The following BNIP5 variants were observed in gnomAD, a reference collection of about 807,000 sequenced individuals.
The protein encoded by BNIP5 is BCL2 interacting protein 5.
A neutral mutation model predicts 67.3 loss-of-function variants in BNIP5; 61 were observed. That is an observed-to-expected ratio of 0.91 (90% CI 0.74 to 1.12). The LOEUF (loss-of-function observed/expected upper bound fraction) is 1.12. Among genes scored for constraint, BNIP5 ranks in the 50% most tolerant of loss-of-function variants. The pLI is 0.00. For synonymous variants in BNIP5, 317 were observed against 319.0 expected (o/e 0.99, Z 0.07); for missense variants, 826 against 816.3 (o/e 1.01, Z -0.14).
chr6:36,330,308 C>G lies in BNIP5; in HGVS notation c.383G>C (p.Gly128Ala). The G allele has an allele frequency of 1.2e-6, 2 of 1,614,188 alleles. No individual in the cohort carries two copies. The highest frequency in any genetic ancestry group is 4.5e-5 in the East Asian group (2 of 44,886). The stretch of plus-strand genomic sequence containing the variant: ...CAGGGGCTCCGGATGCTGGGAGATA[C>G]CCTCCTTCCCCCTTGGCCTCCTGCT... The part of the protein sequence containing the change: ...KASRRPRGKE[G>A]ISQHPEPLEA... The change falls in exon 2 of 12, where the codon GGT becomes GCT. Residue 128 changes from glycine to alanine, a missense_variant. Transcript: ENST00000437635.
Position 36,324,142 on chromosome 6 carries a change from T to C in BNIP5, c.1217A>G (p.Gln406Arg). The change falls in exon 7 of 12, where the codon CAG becomes CGG. Residue 406 changes from glutamine (Q) to arginine (R), a missense_variant. By Grantham distance (43) the Gln-to-Arg change is conservative. Transcript: ENST00000437635. ...CGTCTTCCTCACCTCCTCTCCTTGC[T>C]GTTCTTCTGCATCTTGGAGCATGGA... Reference protein sequence around the residue: ...IISMLQDAEEQQGEEQPQVQQ... With the variant: ...IISMLQDAEERQGEEQPQVQQ... The C allele has an allele frequency of 2.5e-6, 4 of 1,614,010 alleles. No individual in the cohort carries two copies. Among genetic ancestry groups the C allele is most frequent in the Non-Finnish European group, 3.4e-6 (4 of 1,179,884 alleles).
rs780186935 is a variant in BNIP5, at chr6:36,328,706, C to T, written c.619G>A (p.Asp207Asn). The T allele has an allele frequency of 2.4e-5, 39 of 1,610,710 alleles. No individual in the cohort carries two copies. The South Asian group carries it at 3.0e-4, about 12-fold the overall frequency. ...DLGPARRGGE[D>N]SDHQSFLIKV... Reference sequence around the variant, plus strand: ...ATGAGGAAGGACTGGTGATCAGAATCTTCCCCACCTGGAATAGAGACGAAA... The same window carrying T: ...ATGAGGAAGGACTGGTGATCAGAATTTTCCCCACCTGGAATAGAGACGAAA... The change falls in exon 3 of 12, where the codon GAT (aspartate) becomes AAT (asparagine). Residue 207 changes from aspartate (D) to asparagine (N), a missense_variant. Transcript: ENST00000437635.
In BNIP5 at chr6:36,330,421, C is replaced by A. The variant is rs1771868931; in HGVS notation, c.270G>T (p.Arg90Ser). The A allele has an allele frequency of 6.2e-7, 1 of 1,614,062 alleles. No homozygotes were observed. The highest frequency in any genetic ancestry group is 1.3e-5 in the African/African-American group (1 of 74,924). Residue 90 changes from arginine (R) to serine (S), a missense_variant, in exon 2 of 12, where the codon AGG becomes AGT. Arg to Ser is a moderately radical substitution (Grantham distance 110). Transcript: ENST00000437635. ...ETGDFLPSEQ[R>S]PSQDTKKGWL... is the part of the protein sequence containing the mutation. ...ACCCCTTCTTGGTGTCTTGCGAAGG[C>A]CTCTGCTCGCTGGGGAGAAAATCTC...
At chr6:36,332,161 T>C (rs1178047926) in intron 1 of BNIP5, among the ~76,000 whole-genome samples, 5 of 152,074 alleles carry the variant, frequency 3.3e-5, no homozygotes, top group Non-Finnish European at 5.9e-5. Context: ...CTCACTCCAC[T>C]CCACGCACAC....
At chr6:36,335,603 A>G (rs1329263841) in intron 1 of BNIP5, among the ~76,000 whole-genome samples, 1 of 152,228 alleles carries the variant, frequency 6.6e-6, no homozygotes, top group Non-Finnish European at 1.5e-5. Context: ...AGTGTTTGTG[A>G]AACAAACAAA....
At chr6:36,323,181 C>T in intron 8 of BNIP5, 112 bp downstream of exon 8, 1 of 1,444,388 alleles carries the variant, frequency 6.9e-7, no homozygotes, top group African/African-American at 1.4e-5. Context: ...TCAGGGCTTT[C>T]AGCAACAGTG....
At chr6:36,324,546 T>C (rs1771711401) in intron 6 of BNIP5, among the ~76,000 whole-genome samples, 1 of 112,576 alleles carries the variant, frequency 8.9e-6, no homozygotes, top group East Asian at 2.7e-4. Flanking sequence ...CAGAGATCTT[T>C]CCAGGTCTTT....
At chr6:36,335,053 A>G (rs1370300678) in intron 1 of BNIP5, among the ~76,000 whole-genome samples, 1 of 152,214 alleles carries the variant, frequency 6.6e-6, no homozygotes, top group Non-Finnish European at 1.5e-5. Flanking sequence ...ACTGCTTCTG[A>G]TAAGATGTGA....
intron 2 of BNIP5, among the ~76,000 whole-genome samples, chr6:36,329,839 G>C (rs1390272292): frequency 6.7e-6 from 1 of 149,622 alleles, no homozygotes; most frequent in Non-Finnish European, 1.5e-5. Flanking sequence ...AAGAGAGAGA[G>C]AGAAAGAGAG....
rs1449622369 is a variant in BNIP5, at chr6:36,322,341, C to T, written c.1573G>A (p.Ala525Thr). The T allele has an allele frequency of 1.2e-6, 2 of 1,614,184 alleles. 1 individual carries two copies. The highest frequency in any genetic ancestry group is 2.2e-5 in the South Asian group (2 of 91,084). ...TCACATGCTCCACTCAGCTGAGGTGCCCCTTCTGGCGTGTGGCCTCTAGCC... is the reference window on the plus strand; with the variant it reads ...TCACATGCTCCACTCAGCTGAGGTGTCCCTTCTGGCGTGTGGCCTCTAGCC... ...SQARGHTPEG[A>T]PQLSGACESK... The change falls in exon 9 of 12, where the codon GCA (alanine) becomes ACA (threonine). Residue 525 changes from alanine (A) to threonine (T), a missense_variant. Coordinates refer to ENST00000437635, the MANE Select transcript of BNIP5 (RefSeq NM_001010903.5).
chr6:36,322,221 C>T, intron 9 of BNIP5, 90 bp downstream of exon 9: 2 of 1,539,364 alleles, frequency 1.3e-6, no homozygotes, highest in Non-Finnish European at 9.0e-7. Flanking sequence ...CCATTCCTTC[C>T]TCAGAACCAT....
rs751617143 is a variant in BNIP5, at chr6:36,330,168, G to GCCTTA, written c.522_523insTAAGG (p.Gln175Ter). 5 of 1,613,946 alleles carry GCCTTA rather than the reference G, an allele frequency of 3.1e-6. No individual in the cohort carries two copies. On this transcript the variant is annotated stop_gained and frameshift_variant, in exon 2 of 12. Coordinates refer to ENST00000437635, the MANE Select transcript of BNIP5 (RefSeq NM_001010903.5). LOFTEE classifies it high-confidence loss of function. Reference sequence around the variant, plus strand: ...CCTTCCTCTCGGCCTCTGGCCTCCTGGTCTTGAGCTGCCTTAGTCACCTCG... The same window carrying GCCTTA: ...CCTTCCTCTCGGCCTCTGGCCTCCTGCCTTAGTCTTGAGCTGCCTTAGTCACCTCG...
rs1771542012 is a variant in BNIP5, at chr6:36,317,297, T to C, written c.*59A>G. ...ATCACAGAGCATCTTCAGGGTCTCC[T>C]GGCTAAAGCTGCGAACCATTTGGCT... On this transcript the variant is annotated 3_prime_UTR_variant, in exon 12 of 12. Coordinates refer to ENST00000437635, the MANE Select transcript of BNIP5 (RefSeq NM_001010903.5). 1 of 1,391,492 alleles carries C rather than the reference T, an allele frequency of 7.2e-7. No individual in the cohort carries two copies. Among genetic ancestry groups the C allele is most frequent in the Non-Finnish European group, 1.0e-6 (1 of 976,884 alleles). The allele number at this position is 1,391,492 out of a possible 1,614,324, so 86.2% of individuals were successfully genotyped here.
In BNIP5 at chr6:36,321,200, C is replaced by T. The variant is rs763053031; in HGVS notation, c.1623G>A (p.Lys541=). ...ACESKEIIIQ[K]LVALLQEVDG... ...CCACTTCTTGGAGAAGTGCCACAAGCTTCTGGATGATGATCTCCTCTAAGG... is the reference window on the plus strand; with the variant it reads ...CCACTTCTTGGAGAAGTGCCACAAGTTTCTGGATGATGATCTCCTCTAAGG... Residue 541 remains lysine, a synonymous_variant, in exon 10 of 12, where the codon AAG becomes AAA. Coordinates refer to ENST00000437635, the MANE Select transcript of BNIP5 (RefSeq NM_001010903.5). 1 of 1,598,470 alleles carries T rather than the reference C, an allele frequency of 6.3e-7. No homozygotes were observed. The highest frequency in any genetic ancestry group is 8.5e-7 in the Non-Finnish European group (1 of 1,172,002).
intron 1 of BNIP5, among the ~76,000 whole-genome samples, chr6:36,332,702 A>G (rs12111412): frequency 0.061 from 8,284 of 135,208 alleles, 525 homozygotes; most frequent in African/African-American, 0.2. Context: ...GAAAAATGAC[A>G]AAAAAAAAAC....
At chr6:36,328,450 C>T (rs1389157419) in intron 3 of BNIP5, 148 bp downstream of exon 3, 2 of 556,786 alleles carry the variant, frequency 3.6e-6, no homozygotes, top group Non-Finnish European at 6.6e-6. Flanking sequence ...CAAACGTGGC[C>T]AGAAGCACCA....
Position 36,334,230 on chromosome 6 carries a change from G to A in BNIP5, c.-5+2482C>T, listed in dbSNP as rs553031593. The stretch of plus-strand genomic sequence containing the variant: ...TGGCCGCTCCCTCCCTGGAATAACC[G>A]GTGCCCTGAGCCCCCGGGGAGATGA... On this transcript the variant is annotated intron_variant, in intron 1 of 11. Coordinates refer to ENST00000437635, the MANE Select transcript of BNIP5 (RefSeq NM_001010903.5). Among the ~76,000 whole-genome samples the A allele has an allele frequency of 3.3e-5, 5 of 152,220 alleles. No individual in the cohort carries two copies. In the South Asian group the frequency reaches 6.2e-4, roughly 19 times the overall value.
rs890009316 is a variant in BNIP5 at position 36,316,170 on chromosome 6, G to A, written c.*1186C>T. On this transcript the variant is annotated 3_prime_UTR_variant, in exon 12 of 12. Transcript: ENST00000437635. ...CATGGTGCGACAGCAGGTTCAACAC[G>A]GCAATACCATGTCCCCAAGGGTCAC... The A allele has an allele frequency of 2.4e-5, 5 of 207,142 alleles. No individual in the cohort carries two copies. The highest frequency in any genetic ancestry group is 6.9e-5 in the African/African-American group (3 of 43,668). The allele number at this position is 207,142 out of a possible 1,614,324, so 12.8% of individuals were successfully genotyped here. A position where few individuals can be genotyped will look rare whatever the true frequency, so the allele number is the denominator to read the frequency against.
rs758286150 is a variant in BNIP5, at chr6:36,325,388, C to T, written c.1063G>A (p.Ala355Thr). The T allele has an allele frequency of 1.6e-5, 25 of 1,612,830 alleles. No homozygotes were observed. In the African/African-American group the frequency reaches 2.3e-4, roughly 15 times the overall value. Residue 355 changes from alanine to threonine, a missense_variant, in exon 6 of 12, where the codon GCC becomes ACC. Ala to Thr is a moderately conservative substitution (Grantham distance 58). Coordinates refer to ENST00000437635, the MANE Select transcript of BNIP5 (RefSeq NM_001010903.5). ...YGLEEPKVQE[A>T]PSTEAGAPGP... Reference sequence around the variant, plus strand: ...GGAGCCCCAGCCTCTGTAGATGGGGCCTCCTGGACTTTAGGTTCTTCCAAG... The same window carrying T: ...GGAGCCCCAGCCTCTGTAGATGGGGTCTCCTGGACTTTAGGTTCTTCCAAG...
Sources: allele counts gnomAD v4.1 joint callset (sites outside exome capture counted in the v4.1 genomes callset), GRCh38; gene constraint gnomAD v4.1.1; transcripts MANE v1.5; gene names NCBI Gene and HGNC (gene_info 2026-07-23, HGNC 2026-07-21).